Variants in RNF180 observed in about 807,000 individuals in gnomAD.
The protein encoded by RNF180 is E3 ubiquitin-protein ligase RNF180.
A neutral mutation model predicts 59.2 loss-of-function variants in RNF180; 38 were observed. The ratio of observed to expected loss-of-function variants is 0.64; its 90% CI spans 0.50 to 0.84. The LOEUF (loss-of-function observed/expected upper bound fraction) is 0.84, where lower values mean the gene tolerates loss of function less well. RNF180 is among the 40% of genes least tolerant of loss of function. The pLI is 0.00. For missense variants in RNF180, 705 were observed against 700.9 expected (o/e 1.01, Z -0.07); for synonymous variants, 262 against 240.3 (o/e 1.09, Z -0.84).
chr5:64,253,177 A>T (rs1044085748), intron 5 of RNF180, among the ~76,000 whole-genome samples: 3 of 152,144 alleles, frequency 2.0e-5, no homozygotes, highest in Admixed American at 2.0e-4. Flanking sequence ...TACATTTCTG[A>T]GTTTGTCAGC....
At position 64,281,743 on chromosome 5, in the gene RNF180, G is replaced by A. The variant is rs113403552; in HGVS notation, c.1228-43443G>A. Among the ~76,000 whole-genome samples, 767 of 152,234 alleles carry A rather than the reference G, an allele frequency of 5.0e-3. 10 individuals carry two copies. The highest frequency in any genetic ancestry group is 0.017 in the African/African-American group (705 of 41,562). On this transcript the variant is annotated intron_variant, in intron 5 of 7. Transcript: ENST00000389100. ...GAACTCCTGACCTTGTGATCCACCCGCCTTGGCATCGCAAAGTGCTGGGAT... is the reference window on the plus strand; with the variant it reads ...GAACTCCTGACCTTGTGATCCACCCACCTTGGCATCGCAAAGTGCTGGGAT...
At chr5:64,364,401 C>T (rs1017186092) in intron 7 of RNF180, among the ~76,000 whole-genome samples, 6 of 151,860 alleles carry the variant, frequency 4.0e-5, no homozygotes, top group African/African-American at 1.4e-4. Flanking sequence ...TTGAACTACA[C>T]TTGAATCCCA....
At chr5:64,335,686 G>C (rs1323253078) in intron 7 of RNF180, among the ~76,000 whole-genome samples, 1 of 152,010 alleles carries the variant, frequency 6.6e-6, no homozygotes, top group Non-Finnish European at 1.5e-5. Context: ...TAAAAACTTA[G>C]TAAGTTTTGA....
intron 1 of RNF180, among the ~76,000 whole-genome samples, chr5:64,194,436 G>A (rs946594642): frequency 5.9e-5 from 9 of 152,114 alleles, no homozygotes; most frequent in African/African-American, 2.2e-4. Flanking sequence ...CCAAGTCTTT[G>A]CTATTGTGAA....
At chr5:64,167,021 C>T (rs1749680790) in intron 1 of RNF180, among the ~76,000 whole-genome samples, 1 of 152,186 alleles carries the variant, frequency 6.6e-6, no homozygotes, top group African/African-American at 2.4e-5. Flanking sequence ...ATAAACACTT[C>T]AGTTTCAAAT....
chr5:64,295,151 C>T (rs1269694831), intron 5 of RNF180, among the ~76,000 whole-genome samples: 2 of 152,162 alleles, frequency 1.3e-5, no homozygotes, highest in East Asian at 3.9e-4. Context: ...GAATATACTA[C>T]AGCATGTTTA....
At chr5:64,336,333 A>AG (rs1745123332) in intron 7 of RNF180, among the ~76,000 whole-genome samples, 1 of 152,066 alleles carries the variant, frequency 6.6e-6, no homozygotes, top group Non-Finnish European at 1.5e-5. Flanking sequence ...CGTACCTCTA[A>AG]TCTGTGACTT....
Position 64,325,172 on chromosome 5 carries a change from C to G in RNF180, c.1228-14C>G, listed in dbSNP as rs1433137071. 6.6e-7 allele frequency: 1 copy of G among 1,517,378 alleles called. No homozygotes were observed. Among genetic ancestry groups the G allele is most frequent in the South Asian group, 1.2e-5 (1 of 82,728 alleles). The allele number at this position is 1,517,378 out of a possible 1,614,324, so 94.0% of individuals were successfully genotyped here. A position where few individuals can be genotyped will look rare whatever the true frequency, so the allele number is the denominator to read the frequency against. On this transcript the variant is annotated splice_polypyrimidine_tract_variant and intron_variant, in intron 5 of 7. Transcript: ENST00000389100. ...CATACTAAATTAAGAAAAAAGTTTT[C>G]TTATGTTTTGCAGACTTTGAATAAT...
intron 7 of RNF180, among the ~76,000 whole-genome samples, chr5:64,331,342 G>T (rs949525180): frequency 1.3e-5 from 2 of 152,196 alleles, no homozygotes; most frequent in Non-Finnish European, 2.9e-5. Context: ...ACTGGGGGCT[G>T]GGCTGTCAGT....
intron 1 of RNF180, among the ~76,000 whole-genome samples, chr5:64,175,393 A>G (rs1170876220): frequency 6.6e-6 from 1 of 152,048 alleles, no homozygotes; most frequent in Non-Finnish European, 1.5e-5. Flanking sequence ...TTTTCCTAAC[A>G]TGTGCTTATT....
chr5:64,322,602 CGT>C (rs76117470), intron 5 of RNF180, among the ~76,000 whole-genome samples: 3,236 of 143,322 alleles, frequency 0.023, 40 homozygotes, highest in Non-Finnish European at 0.029. Context: ...TATATATATA[CGT>C]GTGTGTGTGT....
intron 1 of RNF180, among the ~76,000 whole-genome samples, chr5:64,174,197 C>G (rs1374966959): frequency 3.3e-5 from 5 of 152,130 alleles, no homozygotes; most frequent in Non-Finnish European, 5.9e-5. Context: ...TTTCTTTATC[C>G]ATTCATTCTT....
At chr5:64,265,894 C>A (rs1171208765) in intron 5 of RNF180, among the ~76,000 whole-genome samples, 2 of 151,942 alleles carry the variant, frequency 1.3e-5, no homozygotes, top group African/African-American at 4.8e-5. Context: ...CTCTTATTTC[C>A]TTGAGCAGTG....
chr5:64,293,050 A>T (rs1419056507), intron 5 of RNF180, among the ~76,000 whole-genome samples: 1 of 152,182 alleles, frequency 6.6e-6, no homozygotes, highest in African/African-American at 2.4e-5. Flanking sequence ...ACTCTGTCTC[A>T]GGCAGTTTTC....
At chr5:64,275,041 G>A (rs1054698998) in intron 5 of RNF180, among the ~76,000 whole-genome samples, 2 of 151,920 alleles carry the variant, frequency 1.3e-5, no homozygotes, top group East Asian at 2.0e-4. Context: ...TTTGGAATGT[G>A]TATAAATGCA....
At position 64,371,109 on chromosome 5, in the gene RNF180, T is replaced by G. The variant is rs1402781956; in HGVS notation, c.*1295T>G. 1.3e-5 allele frequency: 2 copies of G among 151,664 alleles called. No individual in the cohort carries two copies. The highest frequency in any genetic ancestry group is 3.0e-5 in the Non-Finnish European group (2 of 67,702). 9.4% of individuals were successfully genotyped at this position (151,664 alleles called of 1,614,324 possible). On this transcript the variant is annotated 3_prime_UTR_variant, in exon 8 of 8. Transcript: ENST00000389100. ...GCACTTGACTGTTGGTATGTGATGT[T>G]CTAAGAAAACTAGAAGAATGGTACT...
At chr5:64,227,130 G>A (rs111419417) in intron 5 of RNF180, among the ~76,000 whole-genome samples, 1,892 of 152,262 alleles carry the variant, frequency 0.012, 35 homozygotes, top group African/African-American at 0.043. Flanking sequence ...TGGAGGCAGC[G>A]GCCACAAACT....
Position 64,326,616 on chromosome 5 carries a change from A to G in RNF180, c.1453+1205A>G, listed in dbSNP as rs547783013. Among the ~76,000 whole-genome samples, 31 of 152,282 alleles carry G rather than the reference A, an allele frequency of 2.0e-4. No individual in the cohort carries two copies. The South Asian group carries it at 2.1e-3, about 10-fold the overall frequency. On this transcript the variant is annotated intron_variant, in intron 6 of 7. Transcript: ENST00000389100. ...ATAAGATTCAAATTTACTTTGTTTC[A>G]TCCATATTTCCGTGAATTTATCGAA...
At chr5:64,193,508 A>C (rs577666780) in intron 1 of RNF180, among the ~76,000 whole-genome samples, 2 of 152,320 alleles carry the variant, frequency 1.3e-5, no homozygotes, top group South Asian at 4.1e-4. Flanking sequence ...ATAGCAAATC[A>C]CAAAGTTATC....
Sources: gnomAD v4.1 joint callset for allele counts (sites outside exome capture counted in the v4.1 genomes callset) on GRCh38, gnomAD v4.1.1 for gene constraint, MANE v1.5 for transcripts, NCBI Gene and HGNC (gene_info 2026-07-23, HGNC 2026-07-21) for gene names.